The following GPR62 variants were observed in gnomAD, a reference collection of about 807,000 sequenced individuals.
The protein encoded by GPR62 is G protein-coupled receptor 62.
For missense variants in GPR62, 513 were observed against 541.5 expected (o/e 0.95, Z 0.52); for synonymous variants, 280 against 286.9 (o/e 0.98, Z 0.24).
chr3:51,956,888 G>A lies in GPR62; in HGVS notation c.*129G>A. Reference sequence around the variant, plus strand: ...GTGTCTGCTGCCTGGTGAGGCCCACGGACTTCTGAGAGCCAGGAATCCTGC... The same window carrying A: ...GTGTCTGCTGCCTGGTGAGGCCCACAGACTTCTGAGAGCCAGGAATCCTGC... On this transcript the variant is annotated 3_prime_UTR_variant, in exon 1 of 1. Coordinates refer to ENST00000322241, the MANE Select transcript of GPR62 (RefSeq NM_080865.4). 7.0e-7 allele frequency: 1 copy of A among 1,435,198 alleles called. No individual in the cohort carries two copies. The highest frequency in any genetic ancestry group is 9.2e-7 in the Non-Finnish European group (1 of 1,086,568). The allele number at this position is 1,435,198 out of a possible 1,614,324, so 88.9% of individuals were successfully genotyped here.
rs1328958143 is a variant in GPR62 at position 51,957,139 on chromosome 3, C to T, written c.*380C>T. On this transcript the variant is annotated 3_prime_UTR_variant, in exon 1 of 1. Coordinates refer to ENST00000322241, the MANE Select transcript of GPR62 (RefSeq NM_080865.4). ...AAGCAGGGCAGTATCTGGGTTACAG[C>T]CACAGCAGGAAGAACCACTGGAGAG... 2.1e-5 allele frequency: 5 copies of T among 239,944 alleles called. No homozygotes were observed. The East Asian group carries it at 4.6e-4, about 22-fold the overall frequency. 14.9% of individuals were successfully genotyped at this position (239,944 alleles called of 1,614,324 possible).
chr3:51,956,454 G>A lies in GPR62; in HGVS notation c.802G>A (p.Ala268Thr), dbSNP rs1460671359. The A allele has an allele frequency of 3.9e-6, 6 of 1,534,124 alleles. No individual in the cohort carries two copies. Among genetic ancestry groups the A allele is most frequent in the South Asian group, 1.2e-5 (1 of 83,308 alleles). Residue 268 changes from alanine to threonine, a missense_variant, in exon 1 of 1, where the codon GCC becomes ACC. Transcript: ENST00000322241. ...GCACLAPAAR[A>T]AEAEAAVTWV... ...CGCGTGCCTGGCGCCCGCAGCGCGG[G>A]CCGCGGAAGCCGAAGCGGCTGTCAC...
Position 51,956,529 on chromosome 3 carries a change from CTGCAGCGCCCCGTGCGCT to C in GPR62, c.880_897del (p.Gln294_Leu299del). 6.2e-7 allele frequency: 1 copy of C among 1,605,406 alleles called. No homozygotes were observed. Among genetic ancestry groups the C allele is most frequent in the Non-Finnish European group, 8.5e-7 (1 of 1,177,274 alleles). On this transcript the variant is annotated inframe_deletion, in exon 1 of 1. Coordinates refer to ENST00000322241, the MANE Select transcript of GPR62 (RefSeq NM_080865.4). ...GGCTCACCCCTTCCTGTACGGGCTG[CTGCAGCGCCCCGTGCGCT>C]TGGCACTGGGCCGCCTCTCTCGCCG... is the stretch of plus-strand genomic sequence containing the variant.
rs760286373 is a variant in GPR62, at chr3:51,956,099, C to T, written c.447C>T (p.Leu149=). The part of the protein sequence containing the change: ...AAGLLGALSL[L]GTPPAPPPAP... ...GACTGCTGGGCGCGCTCTCCCTGCT[C>T]GGCACGCCGCCCGCACCGCCCCCTG... The change falls in exon 1 of 1, where the codon CTC becomes CTT. Residue 149 remains leucine, a synonymous_variant. Coordinates refer to ENST00000322241, the MANE Select transcript of GPR62 (RefSeq NM_080865.4). The T allele has an allele frequency of 3.5e-6, 5 of 1,435,094 alleles. No homozygotes were observed. Among genetic ancestry groups the T allele is most frequent in the South Asian group, 2.7e-5 (2 of 72,804 alleles). The allele number at this position is 1,435,094 out of a possible 1,614,324, so 88.9% of individuals were successfully genotyped here.
In GPR62 at chr3:51,956,357, C is replaced by T. The variant is rs1473417720; in HGVS notation, c.705C>T (p.Pro235=). 3.2e-6 allele frequency: 5 copies of T among 1,545,396 alleles called. No individual in the cohort carries two copies. Among genetic ancestry groups the T allele is most frequent in the South Asian group, 1.2e-5 (1 of 84,816 alleles). The part of the protein sequence containing the change: ...SILPPLRPRL[P]GGKAALAPAL... ...TGCCGCCGCTCCGGCCTCGCCTGCC[C>T]GGGGGCAAGGCGGCCCTGGCCCCAG... The change falls in exon 1 of 1, where the codon CCC becomes CCT. Residue 235 remains proline, a synonymous_variant. Coordinates refer to ENST00000322241, the MANE Select transcript of GPR62 (RefSeq NM_080865.4).
Position 51,956,751 on chromosome 3 carries a change from CTCTCCTGAGCAGGAGAAAGGAGGGTG to C in GPR62, c.1100_*18del. The C allele has an allele frequency of 6.2e-7, 1 of 1,601,478 alleles. No individual in the cohort carries two copies. The highest frequency in any genetic ancestry group is 1.1e-5 in the South Asian group (1 of 89,856). On this transcript the variant is annotated stop_lost and 3_prime_UTR_variant, in exon 1 of 1. Coordinates refer to ENST00000322241, the MANE Select transcript of GPR62 (RefSeq NM_080865.4). ...ATACCAGGGGCCACCTGAGAGTTCT[CTCTCCTGAGCAGGAGAAAGGAGGGTG>C]GTTTCCGTGGGGGCTCATCCAACCC... is the stretch of plus-strand genomic sequence containing the variant.
Position 51,956,579 on chromosome 3 carries a change from G to C in GPR62, c.927G>C (p.Leu309=). The C allele has an allele frequency of 2.5e-6, 4 of 1,611,846 alleles. No homozygotes were observed. The highest frequency in any genetic ancestry group is 3.4e-6 in the Non-Finnish European group (4 of 1,179,716). ...TGGGCCGCCTCTCTCGCCGTGCACT[G>C]CCTGGACCTGTGCGGGCCTGCACTC... ...LALGRLSRRA[L]PGPVRACTPQ... Residue 309 remains leucine, a synonymous_variant, in exon 1 of 1, where the codon CTG becomes CTC. Transcript: ENST00000322241.
Position 51,956,815 on chromosome 3 carries a change from C to CA in GPR62, c.*57dup. The CA allele has an allele frequency of 4.0e-6, 6 of 1,512,558 alleles. No individual in the cohort carries two copies. In the South Asian group the frequency reaches 6.7e-5, roughly 17 times the overall value. 93.7% of individuals were successfully genotyped at this position (1,512,558 alleles called of 1,614,324 possible). On this transcript the variant is annotated 3_prime_UTR_variant, in exon 1 of 1. Transcript: ENST00000322241. ...GCTCATCCAACCCCTGCACAGGTCA[C>CA]AGCAGGTGCCCTGCTGGATATCTGG...
Position 51,956,561 on chromosome 3 carries a change from CCT to C in GPR62, c.915_916del (p.Arg306ProfsTer37). The stretch of plus-strand genomic sequence containing the variant: ...GCCCCGTGCGCTTGGCACTGGGCCG[CCT>C]CTCTCGCCGTGCACTGCCTGGACCT... ...QRPVRLALGRLSRRALPGPVR... is the reference protein window; with the variant it reads ...QRPVRLALGRXSRRALPGPVR... On this transcript the variant is annotated frameshift_variant, in exon 1 of 1. Transcript: ENST00000322241. LOFTEE classifies it low-confidence loss of function (END_TRUNC). 1 of 1,610,724 alleles carries C rather than the reference CCT, an allele frequency of 6.2e-7. No homozygotes were observed. Among genetic ancestry groups the C allele is most frequent in the Non-Finnish European group, 8.5e-7 (1 of 1,179,284 alleles).
In GPR62 at chr3:51,956,699, C is replaced by G. The variant is rs1409011686; in HGVS notation, c.1047C>G (p.Pro349=). ...CTTCTGAGGCTCCAGAACAGACCCC[C>G]GAGTTGGCAGGAGGGCGGAGCCCCG... The part of the protein sequence containing the change: ...VGPSEAPEQT[P]ELAGGRSPAY... Residue 349 remains proline (P), a synonymous_variant, in exon 1 of 1, where the codon CCC becomes CCG. Transcript: ENST00000322241. The G allele has an allele frequency of 5.6e-6, 9 of 1,612,526 alleles. No homozygotes were observed. The highest frequency in any genetic ancestry group is 1.6e-4 in the Middle Eastern group (1 of 6,074).
In GPR62 at chr3:51,956,708, A is replaced by G; in HGVS notation, c.1056A>G (p.Ala352=). The G allele has an allele frequency of 6.2e-7, 1 of 1,612,410 alleles. No individual in the cohort carries two copies. Among genetic ancestry groups the G allele is most frequent in the Non-Finnish European group, 8.5e-7 (1 of 1,179,690 alleles). Residue 352 remains alanine (A), a synonymous_variant, in exon 1 of 1, where the codon GCA becomes GCG. Transcript: ENST00000322241. ...SEAPEQTPEL[A]GGRSPAYQGP... The stretch of plus-strand genomic sequence containing the variant: ...CTCCAGAACAGACCCCCGAGTTGGC[A>G]GGAGGGCGGAGCCCCGCATACCAGG...
rs760034038 is a variant in GPR62, at chr3:51,956,159, C to G, written c.507C>G (p.Leu169=). 8 of 1,477,168 alleles carry G rather than the reference C, an allele frequency of 5.4e-6. No homozygotes were observed. The South Asian group carries it at 6.4e-5, about 12-fold the overall frequency. The allele number at this position is 1,477,168 out of a possible 1,614,324, so 91.5% of individuals were successfully genotyped here. ...PARCSVLAGG[L]GPFRPLWALL... Reference sequence around the variant, plus strand: ...GCTGCTCGGTCCTGGCTGGGGGCCTCGGGCCCTTCCGGCCGCTCTGGGCCC... The same window carrying G: ...GCTGCTCGGTCCTGGCTGGGGGCCTGGGGCCCTTCCGGCCGCTCTGGGCCC... The change falls in exon 1 of 1, where the codon CTC becomes CTG. Residue 169 remains leucine (L), a synonymous_variant. Transcript: ENST00000322241.
rs1301246190 is a variant in GPR62, at chr3:51,955,837, C to T, written c.185C>T (p.Ala62Val). 10 of 1,517,674 alleles carry T rather than the reference C, an allele frequency of 6.6e-6. No individual in the cohort carries two copies. The South Asian group carries it at 8.5e-5, about 13-fold the overall frequency. The allele number at this position is 1,517,674 out of a possible 1,614,324, so 94.0% of individuals were successfully genotyped here. The stretch of plus-strand genomic sequence containing the variant: ...CTGTGCGTCGTGGACCTGCTGGCGG[C>T]CGCCTCCATCATGCCGCTGGGCCTG... The part of the protein sequence containing the change: ...AHLCVVDLLA[A>V]ASIMPLGLLA... Residue 62 changes from alanine to valine, a missense_variant, in exon 1 of 1, where the codon GCC (alanine) becomes GTC (valine). By Grantham distance (64) the Ala-to-Val change is moderately conservative. Transcript: ENST00000322241.
At position 51,956,292 on chromosome 3, in the gene GPR62, C is replaced by G; in HGVS notation, c.640C>G (p.Arg214Gly). ...LRPPRPARGSRLHSDSLDSRL... is the reference protein window; with the variant it reads ...LRPPRPARGSGLHSDSLDSRL... The stretch of plus-strand genomic sequence containing the variant: ...GCCCCCACGGCCGGCGCGCGGGTCC[C>G]GACTCCACTCGGACTCTCTGGATAG... The change falls in exon 1 of 1, where the codon CGA becomes GGA. Residue 214 changes from arginine (R) to glycine (G), a missense_variant. Transcript: ENST00000322241. 1.9e-6 allele frequency: 3 copies of G among 1,567,448 alleles called. No individual in the cohort carries two copies. Among genetic ancestry groups the G allele is most frequent in the Non-Finnish European group, 2.6e-6 (3 of 1,168,004 alleles).
Position 51,956,177 on chromosome 3 carries a change from C to T in GPR62, c.525C>T (p.Leu175=), listed in dbSNP as rs1288815054. 6.7e-6 allele frequency: 10 copies of T among 1,490,022 alleles called. No homozygotes were observed. The highest frequency in any genetic ancestry group is 8.8e-6 in the Non-Finnish European group (10 of 1,130,290). The allele number at this position is 1,490,022 out of a possible 1,614,324, so 92.3% of individuals were successfully genotyped here. A position where few individuals can be genotyped will look rare whatever the true frequency, so the allele number is the denominator to read the frequency against. ...LAGGLGPFRP[L]WALLAFALPA... ...GGGGCCTCGGGCCCTTCCGGCCGCT[C>T]TGGGCCCTGCTGGCCTTCGCGCTGC... is the stretch of plus-strand genomic sequence containing the variant. Residue 175 remains leucine, a synonymous_variant, in exon 1 of 1, where the codon CTC becomes CTT. Coordinates refer to ENST00000322241, the MANE Select transcript of GPR62 (RefSeq NM_080865.4).
In GPR62 at chr3:51,955,831, T is replaced by A; in HGVS notation, c.179T>A (p.Leu60Gln). The change falls in exon 1 of 1, where the codon CTG (leucine) becomes CAG (glutamine). Residue 60 changes from leucine (L) to glutamine (Q), a missense_variant. Coordinates refer to ENST00000322241, the MANE Select transcript of GPR62 (RefSeq NM_080865.4). Reference protein sequence around the residue: ...YLAHLCVVDLLAAASIMPLGL... With the variant: ...YLAHLCVVDLQAAASIMPLGL... ...GCGCACCTGTGCGTCGTGGACCTGC[T>A]GGCGGCCGCCTCCATCATGCCGCTG... The A allele has an allele frequency of 6.5e-7, 1 of 1,527,266 alleles. No individual in the cohort carries two copies. Among genetic ancestry groups the A allele is most frequent in the Non-Finnish European group, 8.7e-7 (1 of 1,143,236 alleles). 94.6% of individuals were successfully genotyped at this position (1,527,266 alleles called of 1,614,324 possible). A position where few individuals can be genotyped will look rare whatever the true frequency, so the allele number is the denominator to read the frequency against.
Position 51,956,421 on chromosome 3 carries a change from T to C in GPR62, c.769T>C (p.Tyr257His), listed in dbSNP as rs1166866417. The C allele has an allele frequency of 1.3e-6, 2 of 1,528,988 alleles. No individual in the cohort carries two copies. The highest frequency in any genetic ancestry group is 1.7e-6 in the Non-Finnish European group (2 of 1,145,530). 94.7% of individuals were successfully genotyped at this position (1,528,988 alleles called of 1,614,324 possible). ...CCAATTTGCAGCCTGCTGGCTGCCT[T>C]ATGGCTGCGCGTGCCTGGCGCCCGC... is the stretch of plus-strand genomic sequence containing the variant. ...VGQFAACWLP[Y>H]GCACLAPAAR... is the part of the protein sequence containing the mutation. The change falls in exon 1 of 1, where the codon TAT (tyrosine) becomes CAT (histidine). Residue 257 changes from tyrosine to histidine, a missense_variant. Coordinates refer to ENST00000322241, the MANE Select transcript of GPR62 (RefSeq NM_080865.4).
rs1230618974 is a variant in GPR62 at position 51,955,854 on chromosome 3, C to G, written c.202C>G (p.Leu68Val). ...DLLAAASIMP[L>V]GLLAAPPPGL... ...GCTGGCGGCCGCCTCCATCATGCCG[C>G]TGGGCCTGCTGGCCGCACCGCCGCC... The change falls in exon 1 of 1, where the codon CTG (leucine) becomes GTG (valine). Residue 68 changes from leucine (L) to valine (V), a missense_variant. Leu to Val is a conservative substitution (Grantham distance 32). Transcript: ENST00000322241. The G allele has an allele frequency of 6.8e-7, 1 of 1,466,080 alleles. No individual in the cohort carries two copies. The highest frequency in any genetic ancestry group is 1.5e-5 in the African/African-American group (1 of 68,016). 90.8% of individuals were successfully genotyped at this position (1,466,080 alleles called of 1,614,324 possible).
At position 51,955,809 on chromosome 3, in the gene GPR62, C is replaced by T. The variant is rs554470869; in HGVS notation, c.157C>T (p.His53Tyr). 1 of 1,574,568 alleles carries T rather than the reference C, an allele frequency of 6.4e-7. No homozygotes were observed. Among genetic ancestry groups the T allele is most frequent in the East Asian group, 2.4e-5 (1 of 42,100 alleles). The change falls in exon 1 of 1, where the codon CAC (histidine) becomes TAC (tyrosine). Residue 53 changes from histidine to tyrosine, a missense_variant. Transcript: ENST00000322241. ...ACTGCGCGACGCGCTCTACCTGGCG[C>T]ACCTGTGCGTCGTGGACCTGCTGGC... Reference protein sequence around the residue: ...PGLRDALYLAHLCVVDLLAAA... With the variant: ...PGLRDALYLAYLCVVDLLAAA...
Sources: allele counts gnomAD v4.1 joint callset, GRCh38; gene constraint gnomAD v4.1.1; transcripts MANE v1.5; gene names NCBI Gene and HGNC (gene_info 2026-07-23, HGNC 2026-07-21).